ASTN2: variants seen among roughly 807,000 people sequenced by gnomAD.
ASTN2 encodes astrotactin 2, also known as astrotactin-2.
ASTN2 carries 54 observed loss-of-function variants against 139.8 expected under a neutral mutation model. The ratio of observed to expected loss-of-function variants is 0.39; its 90% CI spans 0.31 to 0.48. ASTN2 has a LOEUF of 0.48. ASTN2 is among the 20% of genes least tolerant of loss of function. ASTN2 has a pLI of 0.95. For synonymous variants in ASTN2, 756 were observed against 719.5 expected (o/e 1.05, Z -0.81); for missense variants, 1,565 against 1,725.1 (o/e 0.91, Z 1.64).
chr9:117,264,233 G>A (rs948081244), intron 2 of ASTN2, among the ~76,000 whole-genome samples: 5 of 151,710 alleles, frequency 3.3e-5, no homozygotes, highest in African/African-American at 7.3e-5. Context: ...TACCCCATTC[G>A]TAAAAATTAT....
rs137992725 is a variant in ASTN2, at chr9:117,398,975, G to A, written c.442+15522C>T. 1.8e-3 allele frequency among the ~76,000 whole-genome samples: 272 copies of A among 152,246 alleles called. 1 individual carries two copies. Among genetic ancestry groups the A allele is most frequent in the Middle Eastern group, 6.8e-3 (2 of 294 alleles). On this transcript the variant is annotated intron_variant, in intron 1 of 22. Coordinates refer to ENST00000313400, the MANE Select transcript of ASTN2 (RefSeq NM_001365068.1). ...TTTTTGTATTTTTAGTAGAGATGGG[G>A]TTTCACCACATTGGCCAGGATGGTC... is the stretch of plus-strand genomic sequence containing the variant.
intron 2 of ASTN2, among the ~76,000 whole-genome samples, chr9:117,248,109 G>A (rs940227218): frequency 3.5e-4 from 53 of 152,304 alleles, no homozygotes; most frequent in African/African-American, 1.3e-3. Context: ...CCCAGCCTCT[G>A]GCAGAAGAAT....
chr9:116,849,573 G>A (rs1039031599), intron 11 of ASTN2, among the ~76,000 whole-genome samples: 37 of 152,156 alleles, frequency 2.4e-4, no homozygotes, highest in African/African-American at 8.9e-4. Flanking sequence ...GAGGTTTAAA[G>A]CAACTTGTCT....
At chr9:116,897,736 C>A (rs939466959) in intron 10 of ASTN2, among the ~76,000 whole-genome samples, 2 of 151,586 alleles carry the variant, frequency 1.3e-5, no homozygotes, top group African/African-American at 2.4e-5. Flanking sequence ...AATCAAGATG[C>A]AGAATGTTAT....
At chr9:116,815,601 C>T (rs1050896675) in intron 12 of ASTN2, among the ~76,000 whole-genome samples, 21 of 151,246 alleles carry the variant, frequency 1.4e-4, no homozygotes, top group South Asian at 1.1e-3. Flanking sequence ...GTCAGGAGAT[C>T]GAGACCATCC....
chr9:116,582,530 T>A (rs1293003136), intron 19 of ASTN2: 6 of 152,226 alleles, frequency 3.9e-5, no homozygotes, highest in Non-Finnish European at 7.3e-5. Flanking sequence ...ACTTCAGATA[T>A]CAAACTAACT....
intron 19 of ASTN2, among the ~76,000 whole-genome samples, chr9:116,602,432 T>C (rs749937454): frequency 9.9e-5 from 15 of 152,142 alleles, no homozygotes; most frequent in Non-Finnish European, 1.8e-4. Context: ...AGAGATTATA[T>C]GTAGATTCCT....
Position 116,620,295 on chromosome 9 carries a change from G to A in ASTN2, c.3206+15C>T, listed in dbSNP as rs1167792180. On this transcript the variant is annotated intron_variant, in intron 18 of 22. Coordinates refer to ENST00000313400, the MANE Select transcript of ASTN2 (RefSeq NM_001365068.1). Reference sequence around the variant, plus strand: ...AAAAGGGATGGCCAAAGGAAAAGGGGCCATACATACGTACACCGGCTGCAG... The same window carrying A: ...AAAAGGGATGGCCAAAGGAAAAGGGACCATACATACGTACACCGGCTGCAG... 7.4e-6 allele frequency: 12 copies of A among 1,613,940 alleles called. No individual in the cohort carries two copies. Among genetic ancestry groups the A allele is most frequent in the Admixed American group, 6.7e-5 (4 of 59,992 alleles).
chr9:116,733,289 G>T, intron 14 of ASTN2, 110 bp downstream of exon 14: 4 of 1,427,626 alleles, frequency 2.8e-6, no homozygotes, highest in Non-Finnish European at 3.9e-6. Flanking sequence ...TCATGAAGGA[G>T]GAGGCTTGAC....
At chr9:116,666,991 T>C (rs1469989762) in intron 16 of ASTN2, among the ~76,000 whole-genome samples, 1 of 143,478 alleles carries the variant, frequency 7.0e-6, no homozygotes, top group Non-Finnish European at 1.5e-5. Flanking sequence ...AGTCTTGCTC[T>C]GTCACCCAGG....
intron 1 of ASTN2, among the ~76,000 whole-genome samples, chr9:117,376,399 C>T (rs1112579): frequency 0.2 from 30,996 of 152,076 alleles, 3,657 homozygotes; most frequent in East Asian, 0.46. Flanking sequence ...TTGGCACTTT[C>T]AAATGGATAA....
intron 21 of ASTN2, among the ~76,000 whole-genome samples, chr9:116,441,235 G>C (rs1485859624): frequency 6.7e-6 from 1 of 150,330 alleles, no homozygotes; most frequent in East Asian, 2.0e-4. Context: ...GTCCCCATTT[G>C]AAACACCTTT....
intron 13 of ASTN2, among the ~76,000 whole-genome samples, chr9:116,777,888 G>T (rs1191039641): frequency 2.3e-5 from 3 of 130,758 alleles, no homozygotes; most frequent in East Asian, 4.4e-4. Context: ...CTGTTGTCAG[G>T]CTGGAGTACA....
At chr9:117,319,523 G>T (rs953776172) in intron 1 of ASTN2, among the ~76,000 whole-genome samples, 2 of 151,840 alleles carry the variant, frequency 1.3e-5, no homozygotes, top group Admixed American at 1.3e-4. Context: ...CCACCGCCCA[G>T]TTCAGGCAAT....
intron 11 of ASTN2, among the ~76,000 whole-genome samples, chr9:116,840,614 T>G (rs1411717124): frequency 1.7e-5 from 2 of 116,180 alleles, no homozygotes; most frequent in Non-Finnish European, 3.6e-5. Flanking sequence ...GCTCCTCACT[T>G]CTCAGACGGG....
intron 13 of ASTN2, among the ~76,000 whole-genome samples, chr9:116,796,250 G>A (rs1830685091): frequency 6.6e-6 from 1 of 152,198 alleles, no homozygotes; most frequent in Non-Finnish European, 1.5e-5. Context: ...AGTTGGCCAA[G>A]CTGGGACTCT....
intron 4 of ASTN2, among the ~76,000 whole-genome samples, chr9:117,114,166 C>T (rs1258094021): frequency 1.1e-4 from 16 of 140,844 alleles, no homozygotes; most frequent in Admixed American, 7.0e-4. Flanking sequence ...GAACATTAGT[C>T]TTTTTTTTTT....
intron 13 of ASTN2, among the ~76,000 whole-genome samples, chr9:116,754,016 G>A (rs912897612): frequency 2.3e-5 from 3 of 130,842 alleles, no homozygotes; most frequent in Non-Finnish European, 3.1e-5. Context: ...CTGCGTCCAT[G>A]TGTTCTCATT....
chr9:116,873,757 T>C (rs1014440607), intron 10 of ASTN2, among the ~76,000 whole-genome samples: 1 of 152,152 alleles, frequency 6.6e-6, no homozygotes, highest in African/African-American at 2.4e-5. Context: ...GACTTCCCCA[T>C]TACTGTTCTC....
Sources: allele counts gnomAD v4.1 joint callset (sites outside exome capture counted in the v4.1 genomes callset), GRCh38; gene constraint gnomAD v4.1.1; transcripts MANE v1.5; gene names NCBI Gene and HGNC (gene_info 2026-07-23, HGNC 2026-07-21).